Variants in TUBA8 observed in about 807,000 individuals in gnomAD.
The protein encoded by TUBA8 is tubulin alpha 8.
TUBA8 carries 29 observed loss-of-function variants against 34.7 expected under a neutral mutation model. That is an observed-to-expected ratio of 0.84 (90% CI 0.62 to 1.14). TUBA8 has a LOEUF of 1.14. Ranked by LOEUF, TUBA8 falls within the 50% of genes most tolerant of loss-of-function variation. The pLI is 0.00. For synonymous variants in TUBA8, 226 were observed against 231.2 expected, an observed-to-expected ratio of 0.98 and a Z score of 0.21; for missense variants, 541 against 599.2, an observed-to-expected ratio of 0.90 and a Z score of 1.01.
rs1279684980 is a variant in TUBA8, at chr22:18,123,110, C to CAACA, written c.227-1044_227-1043insCAAA. The CAACA allele has an allele frequency of 3.7e-3, 78 of 21,192 alleles. 3 individuals carry two copies. The highest frequency in any genetic ancestry group is 0.01 in the African/African-American group (75 of 7,384). The allele number at this position is 21,192 out of a possible 1,614,324, so 1.3% of individuals were successfully genotyped here. A position where few individuals can be genotyped will look rare whatever the true frequency, so the allele number is the denominator to read the frequency against. ...GGGCGACAGAGCGAGACCCCGTCTC[C>CAACA]AAAAAAAAAAAAAAAAAAAAAAAAA... is the stretch of plus-strand genomic sequence containing the variant. On this transcript the variant is annotated intron_variant, in intron 2 of 4. Transcript: ENST00000330423.
At position 18,131,195 on chromosome 22, in the gene TUBA8, G is replaced by A; in HGVS notation, c.*59G>A. The A allele has an allele frequency of 6.4e-7, 1 of 1,564,248 alleles. No individual in the cohort carries two copies. The highest frequency in any genetic ancestry group is 1.7e-5 in the Admixed American group (1 of 59,894). ...TTATGCTGTGCCATTCAAAGCACATGTTCAAGAGAACAGAACACTCTCCCC... is the reference window on the plus strand; with the variant it reads ...TTATGCTGTGCCATTCAAAGCACATATTCAAGAGAACAGAACACTCTCCCC... On this transcript the variant is annotated 3_prime_UTR_variant, in exon 5 of 5. Transcript: ENST00000330423. This position sits in a 1 kb window ranked among gnomAD's most constrained non-coding sequence, Gnocchi z 5.3.
chr22:18,111,151 G>A lies in TUBA8; in HGVS notation c.3+283G>A. The A allele has an allele frequency of 1.4e-5, 8 of 567,856 alleles. No homozygotes were observed. Among genetic ancestry groups the A allele is most frequent in the Non-Finnish European group, 2.2e-5 (7 of 320,476 alleles). 35.2% of individuals were successfully genotyped at this position (567,856 alleles called of 1,614,324 possible). ...GAGGGAGGCCCTGGGGAGCCCGACG[G>A]AGAAGGGGGCGAGATTCTGGGGTCC... is the stretch of plus-strand genomic sequence containing the variant. On this transcript the variant is annotated intron_variant, in intron 1 of 4. Transcript: ENST00000330423. This position sits in a 1 kb window ranked among gnomAD's most constrained non-coding sequence, Gnocchi z 5.1.
chr22:18,112,663 A>C (rs370981219), intron 1 of TUBA8: 7 of 152,368 alleles, frequency 4.6e-5, no homozygotes, highest in East Asian at 1.9e-4. Context: ...AACGTGCTTA[A>C]GAATTTGGGT....
intron 1 of TUBA8, chr22:18,112,925 A>T (rs1055369916): frequency 6.6e-6 from 1 of 152,176 alleles, no homozygotes; most frequent in Non-Finnish European, 1.5e-5. Flanking sequence ...CCCTTACAAA[A>T]ATGACTGTAT....
rs777023533 is a variant in TUBA8 at position 18,121,608 on chromosome 22, G to A, written c.133G>A (p.Asp45Asn). The A allele has an allele frequency of 1.2e-6, 2 of 1,614,064 alleles. No homozygotes were observed. The highest frequency in any genetic ancestry group is 1.3e-5 in the African/African-American group (1 of 74,922). ...TGATGCTCAAGCTAGCAAGATCAAC[G>A]ATGATGACTCCTTCACCACCTTTTT... ...TFDAQASKIN[D>N]DDSFTTFFSE... Residue 45 changes from aspartate (D) to asparagine (N), a missense_variant, in exon 2 of 5, where the codon GAT (aspartate) becomes AAT (asparagine). By Grantham distance (23) the Asp-to-Asn change is conservative. Transcript: ENST00000330423. The surrounding 1 kb of genome is among the most constrained non-coding windows in gnomAD (Gnocchi z 4.8).
chr22:18,123,138 A>T (rs1049887546), intron 2 of TUBA8: 1 of 147,162 alleles, frequency 6.8e-6, no homozygotes. Context: ...AAAAAAAAAA[A>T]TTGTTGGTAC....
Position 18,111,189 on chromosome 22 carries a change from C to T in TUBA8, c.3+321C>T, listed in dbSNP as rs1047877245. On this transcript the variant is annotated intron_variant, in intron 1 of 4. Coordinates refer to ENST00000330423, the MANE Select transcript of TUBA8 (RefSeq NM_018943.3). This position sits in a 1 kb window ranked among gnomAD's most constrained non-coding sequence, Gnocchi z 5.1. Reference sequence around the variant, plus strand: ...GATTCTGGGGTCCCCAGATGGGCAGCCTGTGGACAGAGTGGAGAGAAGGGC... The same window carrying T: ...GATTCTGGGGTCCCCAGATGGGCAGTCTGTGGACAGAGTGGAGAGAAGGGC... 3.8e-6 allele frequency: 2 copies of T among 523,378 alleles called. No individual in the cohort carries two copies. Among genetic ancestry groups the T allele is most frequent in the African/African-American group, 3.9e-5 (2 of 51,250 alleles). 32.4% of individuals were successfully genotyped at this position (523,378 alleles called of 1,614,324 possible).
rs774380642 is a variant in TUBA8 at position 18,126,383 on chromosome 22, C to T, written c.405C>T (p.Phe135=). Residue 135 remains phenylalanine (F), a synonymous_variant, in exon 4 of 5, where the codon TTC becomes TTT. Coordinates refer to ENST00000330423, the MANE Select transcript of TUBA8 (RefSeq NM_018943.3). The surrounding 1 kb of genome is among the most constrained non-coding windows in gnomAD (Gnocchi z 4.0). ...LTDACSGLQG[F]LIFHSFGGGT... ...ATGCTTGCTCTGGCCTGCAGGGCTT[C>T]CTGATTTTCCACAGTTTTGGTGGGG... 4.3e-6 allele frequency: 7 copies of T among 1,614,024 alleles called. No homozygotes were observed. In the Admixed American group the frequency reaches 5.0e-5, roughly 12 times the overall value.
rs150232320 is a variant in TUBA8, at chr22:18,126,551, C to G, written c.573C>G (p.Thr191=). 8.1e-6 allele frequency: 13 copies of G among 1,614,048 alleles called. No homozygotes were observed. Among genetic ancestry groups the G allele is most frequent in the South Asian group, 3.3e-5 (3 of 91,070 alleles). Residue 191 remains threonine (T), a synonymous_variant, in exon 4 of 5, where the codon ACC becomes ACG. Coordinates refer to ENST00000330423, the MANE Select transcript of TUBA8 (RefSeq NM_018943.3). This position sits in a 1 kb window ranked among gnomAD's most constrained non-coding sequence, Gnocchi z 4.0. ...AGCCCTACAACTCCATCCTGACCAC[C>G]CACACCACACTGGAACATTCAGATT... ...VVEPYNSILT[T]HTTLEHSDCA...
chr22:18,124,244 G>A lies in TUBA8; in HGVS notation c.315G>A (p.Arg105=). The change falls in exon 3 of 5, where the codon CGG becomes CGA. Residue 105 remains arginine (R), a synonymous_variant. Transcript: ENST00000330423. The surrounding 1 kb of genome is among the most constrained non-coding windows in gnomAD (Gnocchi z 4.3). The part of the protein sequence containing the change: ...GKEDAANNYA[R]GHYTVGKESI... ...AGGATGCAGCCAACAACTATGCCCG[G>A]GGCCACTACACGGTGGGCAAGGAGA... 1 of 1,614,166 alleles carries A rather than the reference G, an allele frequency of 6.2e-7. No individual in the cohort carries two copies. Among genetic ancestry groups the A allele is most frequent in the East Asian group, 2.2e-5 (1 of 44,882 alleles).
At chr22:18,115,518 CA>C (rs747467647) in intron 1 of TUBA8, 2 of 152,224 alleles carry the variant, frequency 1.3e-5, no homozygotes, top group Non-Finnish European at 2.9e-5. Flanking sequence ...TTGAGTGAAA[CA>C]AAGGTTCCTT....
rs1257650164 is a variant in TUBA8, at chr22:18,118,732, G to A, written c.4-2747G>A. On this transcript the variant is annotated intron_variant, in intron 1 of 4. Coordinates refer to ENST00000330423, the MANE Select transcript of TUBA8 (RefSeq NM_018943.3). The surrounding 1 kb of genome is among the most constrained non-coding windows in gnomAD (Gnocchi z 4.0). The stretch of plus-strand genomic sequence containing the variant: ...ATGAGCTAGTTCAATAGGAAAAATA[G>A]CTCTTTCTAAGGGGTGTGTGTGTTT... 6.6e-6 allele frequency: 1 copy of A among 152,194 alleles called. No individual in the cohort carries two copies. The highest frequency in any genetic ancestry group is 2.4e-5 in the African/African-American group (1 of 41,444). The allele number at this position is 152,194 out of a possible 1,614,324, so 9.4% of individuals were successfully genotyped here. A position where few individuals can be genotyped will look rare whatever the true frequency, so the allele number is the denominator to read the frequency against.
rs751760449 is a variant in TUBA8 at position 18,121,642 on chromosome 22, C to T, written c.167C>T (p.Thr56Ile). The change falls in exon 2 of 5, where the codon ACT becomes ATT. Residue 56 changes from threonine to isoleucine, a missense_variant. By Grantham distance (89) the Thr-to-Ile change is moderately conservative. Coordinates refer to ENST00000330423, the MANE Select transcript of TUBA8 (RefSeq NM_018943.3). The surrounding 1 kb of genome is among the most constrained non-coding windows in gnomAD (Gnocchi z 4.8). ...DDSFTTFFSE[T>I]GNGKHVPRAV... ...TCCTTCACCACCTTTTTCAGCGAGA[C>T]TGGCAATGGGAAGCATGTGCCCCGG... 2 of 1,614,228 alleles carry T rather than the reference C, an allele frequency of 1.2e-6. No homozygotes were observed. The highest frequency in any genetic ancestry group is 4.5e-5 in the East Asian group (2 of 44,882).
Position 18,126,286 on chromosome 22 carries a change from C to A in TUBA8, c.376-68C>A. The A allele has an allele frequency of 6.5e-7, 1 of 1,527,828 alleles. No homozygotes were observed. The highest frequency in any genetic ancestry group is 9.1e-7 in the Non-Finnish European group (1 of 1,103,058). 94.6% of individuals were successfully genotyped at this position (1,527,828 alleles called of 1,614,324 possible). A position where few individuals can be genotyped will look rare whatever the true frequency, so the allele number is the denominator to read the frequency against. On this transcript the variant is annotated intron_variant, in intron 3 of 4. Coordinates refer to ENST00000330423, the MANE Select transcript of TUBA8 (RefSeq NM_018943.3). This position sits in a 1 kb window ranked among gnomAD's most constrained non-coding sequence, Gnocchi z 4.0. ...GAGGCAGACAGAGTGGGCGGTCTGG[C>A]TTTTTTACTGTGGGGTGTTCTCGGA...
chr22:18,123,187 G>C (rs1270436577), intron 2 of TUBA8: 1 of 151,574 alleles, frequency 6.6e-6, no homozygotes, highest in African/African-American at 2.4e-5. Context: ...GGGAAACCTG[G>C]AGGAGTCAAG....
In TUBA8 at chr22:18,131,156, C is replaced by G; in HGVS notation, c.*20C>G. 1 of 1,609,494 alleles carries G rather than the reference C, an allele frequency of 6.2e-7. No homozygotes were observed. The highest frequency in any genetic ancestry group is 1.3e-5 in the African/African-American group (1 of 74,932). On this transcript the variant is annotated 3_prime_UTR_variant, in exon 5 of 5. Coordinates refer to ENST00000330423, the MANE Select transcript of TUBA8 (RefSeq NM_018943.3). The surrounding 1 kb of genome is among the most constrained non-coding windows in gnomAD (Gnocchi z 5.3). ...TTTTAAATATATACCTTCCCCTTGGCTGTGTCTCTTTATTTATGCTGTGCC... is the reference window on the plus strand; with the variant it reads ...TTTTAAATATATACCTTCCCCTTGGGTGTGTCTCTTTATTTATGCTGTGCC...
At chr22:18,116,378 A>G (rs566432927) in intron 1 of TUBA8, 9 of 152,370 alleles carry the variant, frequency 5.9e-5, no homozygotes, top group African/African-American at 1.9e-4. Flanking sequence ...TGTGGCCTAA[A>G]AGAAAGAAGT....
intron 1 of TUBA8, chr22:18,120,335 G>A (rs755767176): frequency 1.3e-5 from 2 of 152,146 alleles, no homozygotes; most frequent in Non-Finnish European, 1.5e-5. Context: ...CCATTTTTCT[G>A]TCCATGAGTA....
At chr22:18,120,081 G>GCGCA (rs1556603238) in intron 1 of TUBA8, 1 of 149,672 alleles carries the variant, frequency 6.7e-6, no homozygotes, top group African/African-American at 2.5e-5. Flanking sequence ...GTGTGCACGT[G>GCGCA]CACACACACA....
Sources: allele counts gnomAD v4.1 joint callset, GRCh38; gene constraint gnomAD v4.1.1; non-coding constraint Gnocchi (gnomAD v3.1); transcripts MANE v1.5; gene names NCBI Gene and HGNC (gene_info 2026-07-23, HGNC 2026-07-21).